Variants in HRK observed in about 807,000 individuals in gnomAD.
The protein encoded by HRK is harakiri, BCL2 interacting protein, also known as activator of apoptosis harakiri.
A neutral mutation model predicts 5.9 loss-of-function variants in HRK; 6 were observed. That is an observed-to-expected ratio of 1.02 (90% CI 0.56 to 2.01). The LOEUF (loss-of-function observed/expected upper bound fraction) is 2.01, where lower values mean the gene tolerates loss of function less well. HRK is among the 30% of genes most tolerant of loss of function. The pLI is 0.00. For synonymous variants in HRK, 85 were observed against 65.1 expected (o/e 1.31, Z -1.47); for missense variants, 133 against 128.3 (o/e 1.04, Z -0.18).
At chr12:116,867,164 G>A (rs1224021106) in intron 1 of HRK, among the ~76,000 whole-genome samples, 2 of 146,708 alleles carry the variant, frequency 1.4e-5, no homozygotes, top group Non-Finnish European at 3.0e-5. Flanking sequence ...TTTTTGAGAT[G>A]GAGTTTCGCA....
intron 1 of HRK, among the ~76,000 whole-genome samples, chr12:116,864,164 A>G (rs890415272): frequency 6.6e-6 from 1 of 152,232 alleles, no homozygotes; most frequent in African/African-American, 2.4e-5. Flanking sequence ...ACCCCTAAAC[A>G]TCTCTGTTGG....
rs554636015 is a variant in HRK at position 116,870,543 on chromosome 12, T to C, written c.*57-9077A>G. Among the ~76,000 whole-genome samples the C allele has an allele frequency of 2.0e-5, 3 of 152,302 alleles. No homozygotes were observed. In the South Asian group the frequency reaches 6.2e-4, roughly 32 times the overall value. The stretch of plus-strand genomic sequence containing the variant: ...GGCCAGTGACATGGGCTGGGCACAG[T>C]GGCTCACACTTGGAATCTCAGCACT... On this transcript the variant is annotated intron_variant, in intron 1 of 1. Coordinates refer to ENST00000257572, the MANE Select transcript of HRK (RefSeq NM_003806.4).
At chr12:116,876,884 G>A (rs554122546) in intron 1 of HRK, 199 of 152,442 alleles carry the variant, frequency 1.3e-3, no homozygotes, top group Non-Finnish European at 2.1e-3. Context: ...CTCTTCCCCC[G>A]CAAGTCATGG....
rs1879064010 is a variant in HRK, at chr12:116,879,590, GA to G, written c.*56+1385del. 1.3e-5 allele frequency: 2 copies of G among 152,194 alleles called. No individual in the cohort carries two copies. The highest frequency in any genetic ancestry group is 6.5e-5 in the Admixed American group (1 of 15,284). The allele number at this position is 152,194 out of a possible 1,614,324, so 9.4% of individuals were successfully genotyped here. Reference sequence around the variant, plus strand: ...AGAGAAGGTAGGGAGAAGTGGATGGGACCCCCGGCGCCCGGGAGCCGGGCAG... The same window carrying G: ...AGAGAAGGTAGGGAGAAGTGGATGGGCCCCCGGCGCCCGGGAGCCGGGCAG... On this transcript the variant is annotated intron_variant, in intron 1 of 1. Coordinates refer to ENST00000257572, the MANE Select transcript of HRK (RefSeq NM_003806.4). This position sits in a 1 kb window ranked among gnomAD's most constrained non-coding sequence, Gnocchi z 5.6.
intron 1 of HRK, among the ~76,000 whole-genome samples, chr12:116,871,149 GT>G (rs1878735429): frequency 6.7e-6 from 1 of 149,640 alleles, no homozygotes; most frequent in Admixed American, 6.6e-5. Context: ...TAGAAGCGAG[GT>G]TTCACCATGT....
rs1019281162 is a variant in HRK at position 116,879,654 on chromosome 12, C to A, written c.*56+1322G>T. 1 of 152,188 alleles carries A rather than the reference C, an allele frequency of 6.6e-6. No homozygotes were observed. Among genetic ancestry groups the A allele is most frequent in the African/African-American group, 2.4e-5 (1 of 41,454 alleles). The allele number at this position is 152,188 out of a possible 1,614,324, so 9.4% of individuals were successfully genotyped here. A position where few individuals can be genotyped will look rare whatever the true frequency, so the allele number is the denominator to read the frequency against. ...AGCGCGCATTTCTCTTCGCCAGCGC[C>A]CGGGCTGCGCGGGCCCACGCGACAT... is the stretch of plus-strand genomic sequence containing the variant. On this transcript the variant is annotated intron_variant, in intron 1 of 1. Transcript: ENST00000257572. The surrounding 1 kb of genome is among the most constrained non-coding windows in gnomAD (Gnocchi z 5.6).
chr12:116,863,851 A>G (rs1271520049), intron 1 of HRK, among the ~76,000 whole-genome samples: 1 of 151,932 alleles, frequency 6.6e-6, no homozygotes, highest in African/African-American at 2.4e-5. Context: ...GCACCACCAC[A>G]TCTGGCTAAT....
At chr12:116,877,525 C>T (rs1307539970) in intron 1 of HRK, among the ~76,000 whole-genome samples, 4 of 152,182 alleles carry the variant, frequency 2.6e-5, no homozygotes, top group African/African-American at 7.2e-5. Context: ...CTCTCCTGAC[C>T]CTTCTGGCAC....
chr12:116,865,451 C>T (rs1024834850), intron 1 of HRK, among the ~76,000 whole-genome samples: 4 of 152,160 alleles, frequency 2.6e-5, no homozygotes, highest in East Asian at 3.9e-4. Flanking sequence ...CTCTAGAACC[C>T]GGGAAGTGGA....
intron 1 of HRK, among the ~76,000 whole-genome samples, chr12:116,868,609 A>T (rs928295100): frequency 6.6e-6 from 1 of 152,248 alleles, no homozygotes; most frequent in Non-Finnish European, 1.5e-5. Flanking sequence ...GGATGAAATC[A>T]GCCATGTTAT....
Position 116,878,748 on chromosome 12 carries a change from C to T in HRK, c.*56+2228G>A, listed in dbSNP as rs912362266. Among the ~76,000 whole-genome samples, 4 of 152,114 alleles carry T rather than the reference C, an allele frequency of 2.6e-5. No individual in the cohort carries two copies. The highest frequency in any genetic ancestry group is 7.2e-5 in the African/African-American group (3 of 41,426). On this transcript the variant is annotated intron_variant, in intron 1 of 1. Coordinates refer to ENST00000257572, the MANE Select transcript of HRK (RefSeq NM_003806.4). This position sits in a 1 kb window ranked among gnomAD's most constrained non-coding sequence, Gnocchi z 4.4. ...CCCTGGAGGGTGTGGCTGCAGGGGA[C>T]GCCCGGGCGGGACAAGGCAGGTAGG... is the stretch of plus-strand genomic sequence containing the variant.
At chr12:116,868,654 G>A (rs888048031) in intron 1 of HRK, among the ~76,000 whole-genome samples, 3 of 152,190 alleles carry the variant, frequency 2.0e-5, no homozygotes, top group African/African-American at 4.8e-5. Context: ...AATTTCCTGA[G>A]GCCTCCCCTA....
Position 116,877,227 on chromosome 12 carries a change from T to C in HRK, c.*56+3749A>G, listed in dbSNP as rs548979739. ...CACCATGCCCAGCTAATTTTTTTTT[T>C]TTTTTTTTGGTACAGACAAGGTTTC... On this transcript the variant is annotated intron_variant, in intron 1 of 1. Coordinates refer to ENST00000257572, the MANE Select transcript of HRK (RefSeq NM_003806.4). Among the ~76,000 whole-genome samples the C allele has an allele frequency of 2.0e-5, 3 of 152,106 alleles. No homozygotes were observed. In the South Asian group the frequency reaches 6.2e-4, roughly 32 times the overall value.
Position 116,858,099 on chromosome 12 carries a change from T to A in HRK, c.*3424A>T. On this transcript the variant is annotated 3_prime_UTR_variant, in exon 2 of 2. Transcript: ENST00000257572. Reference sequence around the variant, plus strand: ...GAAGAAGTGGAAAAGAAGTCCCCAGTATCCAAATGAAGGCGGCTAAAAAAA... The same window carrying A: ...GAAGAAGTGGAAAAGAAGTCCCCAGAATCCAAATGAAGGCGGCTAAAAAAA... 1 of 107,082 alleles carries A rather than the reference T, an allele frequency of 9.3e-6. No individual in the cohort carries two copies. Among genetic ancestry groups the A allele is most frequent in the Non-Finnish European group, 1.8e-5 (1 of 56,572 alleles). The allele number at this position is 107,082 out of a possible 1,614,324, so 6.6% of individuals were successfully genotyped here.
rs1174078735 is a variant in HRK, at chr12:116,862,898, G to A, written c.*57-1432C>T. Among the ~76,000 whole-genome samples the A allele has an allele frequency of 1.3e-5, 2 of 151,894 alleles. No homozygotes were observed. Among genetic ancestry groups the A allele is most frequent in the Admixed American group, 6.6e-5 (1 of 15,234 alleles). On this transcript the variant is annotated intron_variant, in intron 1 of 1. Coordinates refer to ENST00000257572, the MANE Select transcript of HRK (RefSeq NM_003806.4). The surrounding 1 kb of genome is among the most constrained non-coding windows in gnomAD (Gnocchi z 4.0). ...ACTACAGGTGCATGCCATCATGCCC[G>A]GCTAAATTTTTGTATTTTTAGTAGA...
intron 1 of HRK, among the ~76,000 whole-genome samples, chr12:116,866,831 G>A (rs1019923834): frequency 6.6e-6 from 1 of 152,078 alleles, no homozygotes; most frequent in African/African-American, 2.4e-5. Flanking sequence ...CAGAATCAAC[G>A]CCAAAACAAA....
At chr12:116,865,921 GC>G (rs1010397600) in intron 1 of HRK, among the ~76,000 whole-genome samples, 1 of 152,122 alleles carries the variant, frequency 6.6e-6, no homozygotes, top group Non-Finnish European at 1.5e-5. Flanking sequence ...AATTTGGGTG[GC>G]CGAGGCAGGT....
Position 116,881,270 on chromosome 12 carries a change from G to A in HRK, c.38C>T (p.Pro13Leu), listed in dbSNP as rs1000167863. Residue 13 changes from proline to leucine, a missense_variant, in exon 1 of 2, where the codon CCG (proline) becomes CTG (leucine). Coordinates refer to ENST00000257572, the MANE Select transcript of HRK (RefSeq NM_003806.4). The part of the protein sequence containing the change: ...PCPLHRGRGP[P>L]AVCACSAGRL... ...ACCCGCGCTGCAGGCGCACACGGCC[G>A]GGGGGCCGCGGCCGCGGTGCAGGGG... 1 of 1,078,732 alleles carries A rather than the reference G, an allele frequency of 9.3e-7. No individual in the cohort carries two copies. Among genetic ancestry groups the A allele is most frequent in the Admixed American group, 5.3e-5 (1 of 18,950 alleles). The allele number at this position is 1,078,732 out of a possible 1,614,324, so 66.8% of individuals were successfully genotyped here.
rs868109083 is a variant in HRK at position 116,857,003 on chromosome 12, C to T, written c.*4520G>A. The stretch of plus-strand genomic sequence containing the variant: ...ATTGTGTAAAGCAGCAAGGACCAGT[C>T]TGTTCATGCTGGAAATGAGTCGAGA... On this transcript the variant is annotated 3_prime_UTR_variant, in exon 2 of 2. Transcript: ENST00000257572. 1.3e-5 allele frequency: 2 copies of T among 152,262 alleles called. No individual in the cohort carries two copies. The highest frequency in any genetic ancestry group is 6.5e-5 in the Admixed American group (1 of 15,292). The allele number at this position is 152,262 out of a possible 1,614,324, so 9.4% of individuals were successfully genotyped here.
Sources: allele counts gnomAD v4.1 joint callset (sites outside exome capture counted in the v4.1 genomes callset), GRCh38; gene constraint gnomAD v4.1.1; non-coding constraint Gnocchi (gnomAD v3.1); transcripts MANE v1.5; gene names NCBI Gene and HGNC (gene_info 2026-07-23, HGNC 2026-07-21).